The following AFG1L variants were observed in gnomAD, a reference collection of about 807,000 sequenced individuals.
The protein encoded by AFG1L is AFG1 like ATPase.
A neutral mutation model predicts 62.2 loss-of-function variants in AFG1L; 53 were observed. That is an observed-to-expected ratio of 0.85 (90% CI 0.68 to 1.07). The LOEUF is 1.07. Among genes scored for constraint, AFG1L ranks in the 50% least tolerant of loss-of-function variants. The pLI, the probability that AFG1L is intolerant of heterozygous loss-of-function variation, is 0.00. For synonymous variants in AFG1L, 228 were observed against 210.3 expected (o/e 1.08, Z -0.73); for missense variants, 555 against 590.5 (o/e 0.94, Z 0.62).
At chr6:108,505,957 T>C (rs1309742532) in intron 10 of AFG1L, among the ~76,000 whole-genome samples, 1 of 152,120 alleles carries the variant, frequency 6.6e-6, no homozygotes, top group East Asian at 1.9e-4. Flanking sequence ...TGGAGAAAAA[T>C]ACTGACAACA....
chr6:108,401,870 CT>C lies in AFG1L; in HGVS notation c.749-119del. On this transcript the variant is annotated intron_variant, in intron 6 of 12. Transcript: ENST00000368977. Reference sequence around the variant, plus strand: ...GACCCAAAGAGAAATCAATTTTGGTCTTTTTTTCTTTTTGCTCCTTTATCTT... The same window carrying C: ...GACCCAAAGAGAAATCAATTTTGGTCTTTTTTCTTTTTGCTCCTTTATCTT... 3.1e-5 allele frequency: 16 copies of C among 524,314 alleles called. No individual in the cohort carries two copies. The South Asian group carries it at 3.7e-4, about 12-fold the overall frequency. The allele number at this position is 524,314 out of a possible 1,614,324, so 32.5% of individuals were successfully genotyped here. A position where few individuals can be genotyped will look rare whatever the true frequency, so the allele number is the denominator to read the frequency against.
At chr6:108,475,000 T>C (rs1219874568) in intron 8 of AFG1L, among the ~76,000 whole-genome samples, 1 of 152,230 alleles carries the variant, frequency 6.6e-6, no homozygotes, top group African/African-American at 2.4e-5. Flanking sequence ...TAGATTTTCT[T>C]CTAGGGTTTT....
At chr6:108,416,802 A>G (rs897743938) in intron 7 of AFG1L, among the ~76,000 whole-genome samples, 1 of 152,128 alleles carries the variant, frequency 6.6e-6, no homozygotes, top group Non-Finnish European at 1.5e-5. Flanking sequence ...GAGGGATAGC[A>G]TTAGGAGATA....
At chr6:108,483,828 T>C (rs192525815) in intron 10 of AFG1L, among the ~76,000 whole-genome samples, 18 of 152,330 alleles carry the variant, frequency 1.2e-4, no homozygotes, top group Admixed American at 4.6e-4. Flanking sequence ...ATCACATAAG[T>C]GTATTGGCCT....
chr6:108,315,294 A>C (rs982854128), intron 1 of AFG1L, among the ~76,000 whole-genome samples: 1 of 152,014 alleles, frequency 6.6e-6, no homozygotes, highest in African/African-American at 2.4e-5. Context: ...TTCCATTTCT[A>C]CTTTGCCTCA....
chr6:108,356,801 T>C lies in AFG1L; in HGVS notation c.629T>C (p.Leu210Pro). 6.2e-7 allele frequency: 1 copy of C among 1,612,730 alleles called. No homozygotes were observed. The highest frequency in any genetic ancestry group is 1.1e-5 in the South Asian group (1 of 90,684). Reference protein sequence around the residue: ...AEEISEEACLLCFDEFQVTDI... With the variant: ...AEEISEEACLPCFDEFQVTDI... ...GAAATCAGCGAAGAAGCATGTCTCC[T>C]ATGTTTTGATGAATTTCAGGTAAAG... Residue 210 changes from leucine (L) to proline (P), a missense_variant, in exon 5 of 13, where the codon CTA becomes CCA. Leu to Pro is a moderately conservative substitution (Grantham distance 98). Transcript: ENST00000368977.
rs77480600 is a variant in AFG1L at position 108,471,930 on chromosome 6, A to C, written c.891-4935A>C. Among the ~76,000 whole-genome samples the C allele has an allele frequency of 2.0e-3, 306 of 152,332 alleles. 2 individuals are homozygous for C. Among genetic ancestry groups the C allele is most frequent in the African/African-American group, 6.8e-3 (284 of 41,566 alleles). On this transcript the variant is annotated intron_variant, in intron 8 of 12. Coordinates refer to ENST00000368977, the MANE Select transcript of AFG1L (RefSeq NM_145315.5). ...GCATACTGGGAAAGCATTATGTTAA[A>C]AAGTATCTAAGGACGCAGTGTCCAT...
At chr6:108,457,498 G>A (rs1772295523) in intron 8 of AFG1L, among the ~76,000 whole-genome samples, 2 of 150,476 alleles carry the variant, frequency 1.3e-5, no homozygotes, top group South Asian at 4.2e-4. Flanking sequence ...TGTCTTTTTT[G>A]TTATTTTATT....
chr6:108,357,113 G>A (rs956942412), intron 5 of AFG1L, among the ~76,000 whole-genome samples: 1 of 151,976 alleles, frequency 6.6e-6, no homozygotes, highest in Non-Finnish European at 1.5e-5. Flanking sequence ...ACAGGGTCCT[G>A]CTCTGTCACC....
intron 10 of AFG1L, among the ~76,000 whole-genome samples, chr6:108,502,751 T>C (rs564639869): frequency 5.3e-5 from 8 of 152,360 alleles, no homozygotes; most frequent in African/African-American, 1.9e-4. Context: ...CAATGGACTC[T>C]TGCTTTCACA....
intron 10 of AFG1L, among the ~76,000 whole-genome samples, chr6:108,482,073 AAC>A (rs1450468930): frequency 6.6e-6 from 1 of 152,204 alleles, no homozygotes; most frequent in Non-Finnish European, 1.5e-5. Context: ...CCAATTCTTA[AAC>A]ATCTTTCAGA....
intron 6 of AFG1L, among the ~76,000 whole-genome samples, chr6:108,400,836 TTATA>T (rs1342715747): frequency 4.3e-5 from 1 of 23,200 alleles, no homozygotes; most frequent in East Asian, 5.0e-4. Flanking sequence ...AAATATATAT[TTATA>T]TATAATGCAA....
chr6:108,322,095 A>G (rs1421337316), intron 1 of AFG1L, among the ~76,000 whole-genome samples: 1 of 152,092 alleles, frequency 6.6e-6, no homozygotes, highest in Non-Finnish European at 1.5e-5. Context: ...TTTAGTAGAG[A>G]TGAGGTCCTA....
At chr6:108,345,453 G>A in intron 2 of AFG1L, among the ~76,000 whole-genome samples, 1 of 151,892 alleles carries the variant, frequency 6.6e-6, no homozygotes, top group East Asian at 1.9e-4. Context: ...TCCACCTCCC[G>A]GGCTCAAGCA....
At chr6:108,361,136 C>T (rs1779510036) in intron 5 of AFG1L, among the ~76,000 whole-genome samples, 1 of 152,236 alleles carries the variant, frequency 6.6e-6, no homozygotes, top group South Asian at 2.1e-4. Context: ...CAGGGGGTCC[C>T]TCACACAGGA....
chr6:108,495,227 A>C (rs1773928821), intron 10 of AFG1L, among the ~76,000 whole-genome samples: 1 of 152,204 alleles, frequency 6.6e-6, no homozygotes, highest in African/African-American at 2.4e-5. Context: ...ACTTCTCTTT[A>C]AGATATGAAG....
chr6:108,507,036 C>A (rs1159859708), intron 10 of AFG1L, among the ~76,000 whole-genome samples: 1 of 152,084 alleles, frequency 6.6e-6, no homozygotes, highest in African/African-American at 2.4e-5. Flanking sequence ...GGGGAAAAAA[C>A]TTCCTTCTTT....
intron 6 of AFG1L, among the ~76,000 whole-genome samples, chr6:108,381,111 A>T (rs1386861605): frequency 1.3e-4 from 20 of 152,124 alleles, no homozygotes; most frequent in Admixed American, 1.3e-3. Flanking sequence ...AACCAAAAAC[A>T]CTCATTTTAT....
rs1276943209 is a variant in AFG1L at position 108,510,229 on chromosome 6, C to T, written c.1080C>T (p.Asp360=). 3.7e-5 allele frequency: 59 copies of T among 1,607,110 alleles called. No individual in the cohort carries two copies. The highest frequency in any genetic ancestry group is 4.9e-5 in the Non-Finnish European group (58 of 1,177,756). ...TATCATAGCCACTTGGAGCCAGTGA[C>T]TATTTGGAACTATCAAAGAATTTTG... ...ELCERPLGAS[D]YLELSKNFDT... is the part of the protein sequence containing the mutation. Residue 360 remains aspartate (D), a synonymous_variant, in exon 11 of 13, where the codon GAC becomes GAT. Transcript: ENST00000368977.
Sources: gnomAD v4.1 joint callset for allele counts (sites outside exome capture counted in the v4.1 genomes callset) on GRCh38, gnomAD v4.1.1 for gene constraint, MANE v1.5 for transcripts, NCBI Gene and HGNC (gene_info 2026-07-23, HGNC 2026-07-21) for gene names.